The following AGPS variants were observed in gnomAD, a reference collection of about 807,000 sequenced individuals.
AGPS encodes the protein alkyldihydroxyacetonephosphate synthase, peroxisomal.
Under a neutral mutation model 90.7 loss-of-function variants are expected in AGPS, and 26 were observed. The ratio of observed to expected loss-of-function variants is 0.29; its 90% confidence interval spans 0.21 to 0.40. The LOEUF is 0.40. Ranked by LOEUF, AGPS falls within the 10% of genes least tolerant of loss-of-function variation. The probability of loss-of-function intolerance (pLI) is 1.00; values close to 1 mark genes in which losing one functional copy is unlikely to be tolerated. For missense variants in AGPS, 540 were observed against 816.1 expected (o/e 0.66, Z 4.12); for synonymous variants, 294 against 285.3 (o/e 1.03, Z -0.31).
At chr2:177,419,854 A>G (rs1030839347) in intron 1 of AGPS, among the ~76,000 whole-genome samples, 2 of 151,796 alleles carry the variant, frequency 1.3e-5, no homozygotes, top group Non-Finnish European at 1.5e-5. Context: ...TAAAAATCGT[A>G]GCAGAAGGTT....
At position 177,470,156 on chromosome 2, in the gene AGPS, T is replaced by C. The variant is rs114126129; in HGVS notation, c.1105+1632T>C. Among the ~76,000 whole-genome samples, 746 of 152,286 alleles carry C rather than the reference T, an allele frequency of 4.9e-3. 6 individuals are homozygous for C. Among genetic ancestry groups the C allele is most frequent in the African/African-American group, 0.017 (709 of 41,566 alleles). ...GGCTTAGAAATGAGAAAGGGCCATG[T>C]CTGCCTCATTATGAGGCTGCTGGTT... On this transcript the variant is annotated intron_variant, in intron 10 of 19. Transcript: ENST00000264167.
chr2:177,464,061 C>T (rs1008719789), intron 9 of AGPS, among the ~76,000 whole-genome samples: 3 of 152,162 alleles, frequency 2.0e-5, no homozygotes, highest in African/African-American at 7.2e-5. Flanking sequence ...CCTGCCTCAG[C>T]CTCCAGAGTA....
chr2:177,456,935 A>T (rs560853357), intron 8 of AGPS, among the ~76,000 whole-genome samples: 1 of 152,184 alleles, frequency 6.6e-6, no homozygotes, highest in African/African-American at 2.4e-5. Context: ...TGACCACGTA[A>T]TTGGAAGTAA....
chr2:177,535,308 T>C (rs1463763850), intron 19 of AGPS, among the ~76,000 whole-genome samples: 1 of 152,218 alleles, frequency 6.6e-6, no homozygotes, highest in African/African-American at 2.4e-5. Flanking sequence ...TCCTTTAATA[T>C]GGTGTGCTAC....
chr2:177,522,142 G>C (rs1051222885), intron 18 of AGPS, among the ~76,000 whole-genome samples: 1 of 151,840 alleles, frequency 6.6e-6, no homozygotes, highest in Non-Finnish European at 1.5e-5. Flanking sequence ...TATTTAATGT[G>C]TACAGTTTTG....
chr2:177,405,432 C>T (rs939596403), intron 1 of AGPS, among the ~76,000 whole-genome samples: 7 of 152,190 alleles, frequency 4.6e-5, no homozygotes, highest in African/African-American at 1.7e-4. Flanking sequence ...TAATCCTGCT[C>T]CATGAATTAT....
At chr2:177,535,007 T>C (rs2079171379) in intron 19 of AGPS, among the ~76,000 whole-genome samples, 2 of 152,126 alleles carry the variant, frequency 1.3e-5, no homozygotes. Flanking sequence ...TAGAGAATTA[T>C]GGAATGCAAG....
intron 19 of AGPS, among the ~76,000 whole-genome samples, chr2:177,527,883 A>T (rs2079104142): frequency 6.6e-6 from 1 of 152,022 alleles, no homozygotes; most frequent in Non-Finnish European, 1.5e-5. Flanking sequence ...TTGTATTTTT[A>T]TTTTCTATGT....
chr2:177,471,165 C>T (rs995775251), intron 10 of AGPS, among the ~76,000 whole-genome samples: 1 of 152,104 alleles, frequency 6.6e-6, no homozygotes, highest in Non-Finnish European at 1.5e-5. Context: ...TATATGAAAT[C>T]ATATTCTTAC....
rs560495059 is a variant in AGPS, at chr2:177,422,901, TTGAG to T, written c.350+2545_350+2548del. On this transcript the variant is annotated intron_variant, in intron 2 of 19. Coordinates refer to ENST00000264167, the MANE Select transcript of AGPS (RefSeq NM_003659.4). ...TTAAGATAATAATATCTACTATTTA[TTGAG>T]TATCTACTGAGTTACCTTACAATAA... Among the ~76,000 whole-genome samples the T allele has an allele frequency of 2.5e-4, 19 of 77,372 alleles. 5 individuals carry two copies. The highest frequency in any genetic ancestry group is 5.0e-4 in the African/African-American group (14 of 27,746). The allele number at this position is 77,372 out of a possible 152,430, so 50.8% of individuals were successfully genotyped here.
rs1341221247 is a variant in AGPS at position 177,541,175 on chromosome 2, A to G, written c.*2980A>G. On this transcript the variant is annotated 3_prime_UTR_variant, in exon 20 of 20. Transcript: ENST00000264167. ...TATTTTGAAAACAAAATTGCAATAA[A>G]GGATGAGCTTCCATCGGTGTGTATG... The G allele has an allele frequency of 2.6e-5, 4 of 152,166 alleles. No individual in the cohort carries two copies. Among genetic ancestry groups the G allele is most frequent in the Non-Finnish European group, 5.9e-5 (4 of 68,010 alleles). 9.4% of individuals were successfully genotyped at this position (152,166 alleles called of 1,614,324 possible). A position where few individuals can be genotyped will look rare whatever the true frequency, so the allele number is the denominator to read the frequency against.
At chr2:177,393,127 G>A (rs1178338977) in intron 1 of AGPS, 78 bp downstream of exon 1, 2 of 1,549,704 alleles carry the variant, frequency 1.3e-6, no homozygotes, top group East Asian at 2.4e-5. Flanking sequence ...CAGGCGAGGT[G>A]GGAAGGGAAG....
intron 16 of AGPS, among the ~76,000 whole-genome samples, chr2:177,512,298 G>A (rs1394889391): frequency 1.3e-5 from 2 of 151,848 alleles, no homozygotes; most frequent in Non-Finnish European, 2.9e-5. Flanking sequence ...CATAAGTGAT[G>A]CATAGATAAC....
chr2:177,427,146 T>C (rs187583660), intron 2 of AGPS, among the ~76,000 whole-genome samples: 4 of 152,366 alleles, frequency 2.6e-5, no homozygotes, highest in African/African-American at 9.6e-5. Flanking sequence ...TTCATGTGCA[T>C]AGAGATGTTG....
intron 1 of AGPS, among the ~76,000 whole-genome samples, chr2:177,407,185 G>T (rs562686845): frequency 6.6e-6 from 1 of 152,274 alleles, no homozygotes; most frequent in African/African-American, 2.4e-5. Flanking sequence ...CAGGATTAAA[G>T]TGAGAAGGAA....
At chr2:177,518,541 T>G (rs775787990) in intron 17 of AGPS, among the ~76,000 whole-genome samples, 1 of 152,228 alleles carries the variant, frequency 6.6e-6, no homozygotes, top group Non-Finnish European at 1.5e-5. Context: ...CCACTGTTGA[T>G]TCTTGATTAC....
chr2:177,409,462 T>A (rs1685558209), intron 1 of AGPS, among the ~76,000 whole-genome samples: 1 of 151,724 alleles, frequency 6.6e-6, no homozygotes, highest in Non-Finnish European at 1.5e-5. Flanking sequence ...TCTGATTGGT[T>A]GGGTGTGAGC....
chr2:177,477,819 A>C lies in AGPS; in HGVS notation c.1106-4240A>C, dbSNP rs552706430. Among the ~76,000 whole-genome samples, 3 of 152,224 alleles carry C rather than the reference A, an allele frequency of 2.0e-5. No individual in the cohort carries two copies. The South Asian group carries it at 6.2e-4, about 32-fold the overall frequency. The stretch of plus-strand genomic sequence containing the variant: ...TTGTGCTAGTATTGGCACATATATC[A>C]CATTTGTATATGTTATAGATCCAAA... On this transcript the variant is annotated intron_variant, in intron 10 of 19. Coordinates refer to ENST00000264167, the MANE Select transcript of AGPS (RefSeq NM_003659.4).
intron 1 of AGPS, among the ~76,000 whole-genome samples, chr2:177,413,703 A>G (rs1211679588): frequency 1.3e-5 from 2 of 152,170 alleles, no homozygotes; most frequent in Non-Finnish European, 2.9e-5. Context: ...TGTTTTCCTC[A>G]TTACGTAGAT....
Sources: allele counts gnomAD v4.1 joint callset (sites outside exome capture counted in the v4.1 genomes callset), GRCh38; gene constraint gnomAD v4.1.1; transcripts MANE v1.5; gene names NCBI Gene and HGNC (gene_info 2026-07-23, HGNC 2026-07-21).